PEAK1: variants seen among roughly 807,000 people sequenced by gnomAD.
PEAK1 encodes the protein inactive tyrosine-protein kinase PEAK1.
PEAK1 carries 54 observed loss-of-function variants against 124.7 expected under a neutral mutation model. The observed-to-expected ratio is 0.43, with a 90% confidence interval of 0.35 to 0.54. The LOEUF is 0.54. PEAK1 is among the 20% of genes least tolerant of loss of function. The probability of loss-of-function intolerance (pLI) is 0.01; values close to 1 mark genes in which losing one functional copy is unlikely to be tolerated. For synonymous variants in PEAK1, 719 were observed against 760.0 expected (o/e 0.95, Z 0.89); for missense variants, 2,046 against 2,134.5 (o/e 0.96, Z 0.82).
At chr15:77,417,464 G>T in intron 1 of PEAK1, 1 of 905,550 alleles carries the variant, frequency 1.1e-6, no homozygotes, top group Non-Finnish European at 1.3e-6. Flanking sequence ...CGGGGCGGGG[G>T]GGGAGGGGGG....
chr15:77,272,892 G>A (rs982055298), intron 5 of PEAK1, among the ~76,000 whole-genome samples: 4 of 151,926 alleles, frequency 2.6e-5, no homozygotes, highest in Non-Finnish European at 2.9e-5. Context: ...ATCCAACAGA[G>A]ATAAAAAAGA....
At chr15:77,408,097 A>C (rs868727383) in intron 1 of PEAK1, among the ~76,000 whole-genome samples, 2 of 151,004 alleles carry the variant, frequency 1.3e-5, no homozygotes, top group African/African-American at 4.9e-5. Flanking sequence ...ATATACACAC[A>C]CATATATACA....
chr15:77,325,718 A>C (rs1372329040), intron 2 of PEAK1, among the ~76,000 whole-genome samples: 1 of 152,120 alleles, frequency 6.6e-6, no homozygotes, highest in Non-Finnish European at 1.5e-5. Context: ...ATACAAACCA[A>C]ATTTCTCAGC....
chr15:77,278,453 A>G, intron 5 of PEAK1: 2 of 463,182 alleles, frequency 4.3e-6, no homozygotes, highest in South Asian at 1.7e-5. Flanking sequence ...GTCCTACCAC[A>G]TCGCCAGCAC....
intron 5 of PEAK1, among the ~76,000 whole-genome samples, chr15:77,258,458 G>A (rs2061280196): frequency 6.6e-6 from 1 of 152,104 alleles, no homozygotes; most frequent in African/African-American, 2.4e-5. Context: ...TTGTACGTTG[G>A]ATTCCTAGGT....
At chr15:77,255,911 A>T (rs2061104794) in intron 5 of PEAK1, among the ~76,000 whole-genome samples, 2 of 152,180 alleles carry the variant, frequency 1.3e-5, no homozygotes, top group Admixed American at 1.3e-4. Context: ...TTTGAAATGT[A>T]TTTTGTGTTG....
At chr15:77,302,203 C>T (rs2063822396) in intron 2 of PEAK1, among the ~76,000 whole-genome samples, 1 of 152,156 alleles carries the variant, frequency 6.6e-6, no homozygotes. Flanking sequence ...GATCTGAGGA[C>T]TAGGTATGAT....
intron 1 of PEAK1, among the ~76,000 whole-genome samples, chr15:77,392,866 T>C (rs1232439847): frequency 6.6e-6 from 1 of 152,166 alleles, no homozygotes; most frequent in Non-Finnish European, 1.5e-5. Context: ...AAAGAGGCAC[T>C]GAAGAGGGTA....
At chr15:77,365,553 T>A (rs1267878485) in intron 1 of PEAK1, among the ~76,000 whole-genome samples, 1 of 152,006 alleles carries the variant, frequency 6.6e-6, no homozygotes, top group Non-Finnish European at 1.5e-5. Flanking sequence ...ACCTGGCCAA[T>A]GTGGCGAAAC....
chr15:77,346,618 G>C (rs1435698572), intron 2 of PEAK1: 1 of 985,032 alleles, frequency 1.0e-6, no homozygotes, highest in Admixed American at 6.2e-5. Flanking sequence ...TCAACTAGGA[G>C]ACAAAACAGC....
At chr15:77,250,041 C>T (rs934513115) in intron 6 of PEAK1, among the ~76,000 whole-genome samples, 1 of 150,726 alleles carries the variant, frequency 6.6e-6, no homozygotes, top group Non-Finnish European at 1.5e-5. Flanking sequence ...GTGAATGTGG[C>T]CACATGTCTA....
At chr15:77,328,314 A>G (rs540077155) in intron 2 of PEAK1, among the ~76,000 whole-genome samples, 1 of 152,290 alleles carries the variant, frequency 6.6e-6, no homozygotes, top group South Asian at 2.1e-4. Context: ...TGAATGTACC[A>G]CAAAACTGTA....
chr15:77,108,898 G>A lies in PEAK1; in HGVS notation c.*5258C>T, dbSNP rs2050828893. ...CTTTCTGGAGTGGGAAACATGTAAT[G>A]GGATGTTGGGAATGCAGGCCCTTGC... On this transcript the variant is annotated 3_prime_UTR_variant, in exon 10 of 10. Transcript: ENST00000682557. 1 of 152,170 alleles carries A rather than the reference G, an allele frequency of 6.6e-6. No individual in the cohort carries two copies. Among genetic ancestry groups the A allele is most frequent in the Admixed American group, 6.5e-5 (1 of 15,274 alleles). The allele number at this position is 152,170 out of a possible 1,614,324, so 9.4% of individuals were successfully genotyped here. A position where few individuals can be genotyped will look rare whatever the true frequency, so the allele number is the denominator to read the frequency against.
chr15:77,420,808 C>T (rs1025816271), upstream of PEAK1: 5 of 398,430 alleles, frequency 1.3e-5, no homozygotes, highest in African/African-American at 2.1e-5. Context: ...AGAGGAGTTA[C>T]CTGTGGAAAG....
At chr15:77,374,457 A>G (rs920355103) in intron 1 of PEAK1, among the ~76,000 whole-genome samples, 2 of 152,300 alleles carry the variant, frequency 1.3e-5, no homozygotes, top group South Asian at 2.1e-4. Context: ...AATAAAATAT[A>G]TATCACACTA....
rs910283419 is a variant in PEAK1 at position 77,112,044 on chromosome 15, C to T, written c.*2112G>A. On this transcript the variant is annotated 3_prime_UTR_variant, in exon 10 of 10. Coordinates refer to ENST00000682557, the MANE Select transcript of PEAK1 (RefSeq NM_001385026.1). Reference sequence around the variant, plus strand: ...CCTTCAAGGCAAGGCGCGGCCATGCCACAGGACACCAAGAGCAGACTGCTG... The same window carrying T: ...CCTTCAAGGCAAGGCGCGGCCATGCTACAGGACACCAAGAGCAGACTGCTG... 6.6e-6 allele frequency: 1 copy of T among 152,278 alleles called. No individual in the cohort carries two copies. Among genetic ancestry groups the T allele is most frequent in the Non-Finnish European group, 1.5e-5 (1 of 68,116 alleles). The allele number at this position is 152,278 out of a possible 1,614,324, so 9.4% of individuals were successfully genotyped here.
intron 8 of PEAK1, among the ~76,000 whole-genome samples, chr15:77,149,401 G>T (rs757540780): frequency 4.6e-5 from 7 of 152,156 alleles, no homozygotes; most frequent in Non-Finnish European, 2.9e-5. Context: ...TATTTAAAAG[G>T]ATCTAAAGCC....
At chr15:77,175,313 A>G (rs1226163261) in intron 7 of PEAK1, among the ~76,000 whole-genome samples, 4 of 152,182 alleles carry the variant, frequency 2.6e-5, no homozygotes, top group South Asian at 2.1e-4. Flanking sequence ...GAGTGAATAG[A>G]CAACCCACAA....
intron 1 of PEAK1, among the ~76,000 whole-genome samples, chr15:77,410,449 A>G (rs1289083623): frequency 6.6e-6 from 1 of 152,214 alleles, no homozygotes; most frequent in Admixed American, 6.5e-5. Context: ...ACAAAGTGGT[A>G]TGATTTGTTT....
Sources: gnomAD v4.1 joint callset for allele counts (sites outside exome capture counted in the v4.1 genomes callset) on GRCh38, gnomAD v4.1.1 for gene constraint, MANE v1.5 for transcripts, NCBI Gene and HGNC (gene_info 2026-07-23, HGNC 2026-07-21) for gene names.